GLCE: variants seen among roughly 807,000 people sequenced by gnomAD.
GLCE encodes glucuronic acid epimerase.
GLCE carries 19 observed loss-of-function variants against 47.9 expected under a neutral mutation model. That is an observed-to-expected ratio of 0.40 (90% confidence interval 0.28 to 0.58). The LOEUF is 0.58. Among genes scored for constraint, GLCE ranks in the 20% least tolerant of loss-of-function variants. GLCE has a pLI of 0.48. For synonymous variants in GLCE, 245 were observed against 263.4 expected (o/e 0.93, Z 0.68); for missense variants, 556 against 743.3 (o/e 0.75, Z 2.93).
intron 1 of GLCE, among the ~76,000 whole-genome samples, chr15:69,184,568 C>G (rs942928993): frequency 6.6e-6 from 1 of 152,190 alleles, no homozygotes; most frequent in Non-Finnish European, 1.5e-5. Flanking sequence ...TATTATATCA[C>G]TAATATGTTT....
At chr15:69,227,416 A>C (rs1196850109) in intron 2 of GLCE, among the ~76,000 whole-genome samples, 3 of 152,196 alleles carry the variant, frequency 2.0e-5, no homozygotes, top group African/African-American at 7.2e-5. Flanking sequence ...CTGATACTAG[A>C]GTAGGTGTGT....
intron 1 of GLCE, among the ~76,000 whole-genome samples, chr15:69,202,618 A>G (rs1199546820): frequency 2.0e-5 from 3 of 152,158 alleles, no homozygotes. Context: ...CAATGTAGCA[A>G]TAGGAAACTT....
chr15:69,168,536 CTTT>C (rs11288270), intron 1 of GLCE, among the ~76,000 whole-genome samples: 6 of 142,244 alleles, frequency 4.2e-5, no homozygotes, highest in Admixed American at 7.0e-5. Context: ...CCATCTATTC[CTTT>C]TTTTTTTTTT....
intron 1 of GLCE, among the ~76,000 whole-genome samples, chr15:69,202,215 C>G (rs1242232779): frequency 6.6e-6 from 1 of 151,952 alleles, no homozygotes; most frequent in Non-Finnish European, 1.5e-5. Context: ...CCACGGTTCC[C>G]AGCCTTGCTT....
At position 69,268,428 on chromosome 15, in the gene GLCE, A is replaced by G. The variant is rs373285609; in HGVS notation, c.1038A>G (p.Ser346=). The stretch of plus-strand genomic sequence containing the variant: ...ACTATGGCATTGGGCCCAGAACTTC[A>G]TGGAGCACAGTTACCAGGGACCTGG... ...DIYYGIGPRT[S]WSTVTRDLVT... Residue 346 remains serine, a synonymous_variant, in exon 5 of 5, where the codon TCA becomes TCG. Coordinates refer to ENST00000261858, the MANE Select transcript of GLCE (RefSeq NM_015554.3). 5.0e-6 allele frequency: 8 copies of G among 1,613,938 alleles called. 1 individual carries two copies. In the African/African-American group the frequency reaches 5.3e-5, roughly 11 times the overall value.
intron 1 of GLCE, among the ~76,000 whole-genome samples, chr15:69,164,144 C>A (rs946307191): frequency 3.3e-5 from 5 of 150,984 alleles, no homozygotes; most frequent in Non-Finnish European, 7.4e-5. Flanking sequence ...GTACAGACTT[C>A]AGGAAATTTC....
intron 2 of GLCE, among the ~76,000 whole-genome samples, chr15:69,222,928 T>G (rs1037692293): frequency 2.6e-5 from 4 of 152,204 alleles, no homozygotes; most frequent in African/African-American, 9.7e-5. Flanking sequence ...GTTATAACAC[T>G]CTAATTTGAG....
Position 69,255,923 on chromosome 15 carries a change from T to C in GLCE, c.117T>C (p.Phe39=). The C allele has an allele frequency of 1.2e-6, 2 of 1,614,060 alleles. No homozygotes were observed. The highest frequency in any genetic ancestry group is 1.7e-6 in the Non-Finnish European group (2 of 1,179,996). Residue 39 remains phenylalanine, a synonymous_variant, in exon 3 of 5, where the codon TTT becomes TTC. Transcript: ENST00000261858. The part of the protein sequence containing the change: ...NKCSSDKAIQ[F]PRRSSSGFRV... ...GTTCCAGTGACAAAGCAATCCAGTT[T>C]CCACGGCGTTCGAGTAGTGGCTTCA...
chr15:69,264,582 A>G (rs1392860767), intron 4 of GLCE, among the ~76,000 whole-genome samples: 3 of 152,086 alleles, frequency 2.0e-5, no homozygotes, highest in Non-Finnish European at 4.4e-5. Context: ...ATCATATGGT[A>G]GTTCTATTTT....
chr15:69,258,459 G>T (rs925935963), intron 3 of GLCE, among the ~76,000 whole-genome samples: 1 of 151,958 alleles, frequency 6.6e-6, no homozygotes, highest in Non-Finnish European at 1.5e-5. Flanking sequence ...AATATTTATT[G>T]AACATTTTAA....
At chr15:69,218,073 G>A (rs1313687102) in intron 2 of GLCE, among the ~76,000 whole-genome samples, 2 of 144,702 alleles carry the variant, frequency 1.4e-5, no homozygotes, top group South Asian at 2.2e-4. Context: ...AGAATCAATT[G>A]AACTCAGGAG....
chr15:69,168,502 A>G (rs1490776946), intron 1 of GLCE, among the ~76,000 whole-genome samples: 1 of 151,200 alleles, frequency 6.6e-6, no homozygotes, highest in Non-Finnish European at 1.5e-5. Context: ...GCTGGCAGGC[A>G]TGGAGGAAGA....
At chr15:69,244,701 A>G (rs1047274104) in intron 2 of GLCE, among the ~76,000 whole-genome samples, 5 of 152,156 alleles carry the variant, frequency 3.3e-5, no homozygotes, top group African/African-American at 1.2e-4. Context: ...TAAATTACTT[A>G]ACATCACAAT....
rs1444804309 is a variant in GLCE at position 69,168,981 on chromosome 15, T to C, written c.-105+8224T>C. Among the ~76,000 whole-genome samples the C allele has an allele frequency of 1.3e-5, 2 of 152,180 alleles. 1 individual carries two copies. Among genetic ancestry groups the C allele is most frequent in the African/African-American group, 4.8e-5 (2 of 41,444 alleles). ...CAAGATAGAGAACATTTCCAGGACC[T>C]TGAAAGCTTCCCTCCTGTACTCTCT... is the stretch of plus-strand genomic sequence containing the variant. On this transcript the variant is annotated intron_variant, in intron 1 of 4. Coordinates refer to ENST00000261858, the MANE Select transcript of GLCE (RefSeq NM_015554.3).
chr15:69,185,616 G>C lies in GLCE; in HGVS notation c.-104-24700G>C, dbSNP rs1046383912. 5.3e-5 allele frequency among the ~76,000 whole-genome samples: 8 copies of C among 152,072 alleles called. No homozygotes were observed. In the East Asian group the frequency reaches 1.4e-3, roughly 26 times the overall value. ...CATCAAGTTGTTTTTATTGGAGTTAGTGTAGCGAAAACTCTCAAACCGTGT... is the reference window on the plus strand; with the variant it reads ...CATCAAGTTGTTTTTATTGGAGTTACTGTAGCGAAAACTCTCAAACCGTGT... On this transcript the variant is annotated intron_variant, in intron 1 of 4. Transcript: ENST00000261858.
At chr15:69,215,539 G>GTGTGT (rs2052294299) in intron 2 of GLCE, among the ~76,000 whole-genome samples, 1 of 148,916 alleles carries the variant, frequency 6.7e-6, no homozygotes, top group African/African-American at 2.5e-5. Flanking sequence ...TTACATAAAG[G>GTGTGT]GTGTGTGTGT....
At chr15:69,241,976 CCA>C (rs1235447172) in intron 2 of GLCE, among the ~76,000 whole-genome samples, 1 of 152,162 alleles carries the variant, frequency 6.6e-6, no homozygotes, top group Non-Finnish European at 1.5e-5. Context: ...AACCAAAAGA[CCA>C]CCTTATCAAT....
intron 1 of GLCE, among the ~76,000 whole-genome samples, chr15:69,193,358 C>T (rs1319883180): frequency 6.6e-6 from 1 of 152,040 alleles, no homozygotes; most frequent in African/African-American, 2.4e-5. Flanking sequence ...TTTCCAGACC[C>T]TCTTTGTCCT....
At chr15:69,182,892 G>A (rs1018194087) in intron 1 of GLCE, among the ~76,000 whole-genome samples, 2 of 152,090 alleles carry the variant, frequency 1.3e-5, no homozygotes, top group Non-Finnish European at 2.9e-5. Flanking sequence ...GTGCGTGCCT[G>A]TAGTCCCAGC....
Sources: allele counts gnomAD v4.1 joint callset (sites outside exome capture counted in the v4.1 genomes callset), GRCh38; gene constraint gnomAD v4.1.1; transcripts MANE v1.5; gene names NCBI Gene and HGNC (gene_info 2026-07-23, HGNC 2026-07-21).